Variants in GPR158 observed in about 807,000 individuals in gnomAD.
GPR158 encodes the protein metabotropic glycine receptor.
Under a neutral mutation model 78.2 loss-of-function variants are expected in GPR158, and 30 were observed. That is an observed-to-expected ratio of 0.38 (90% confidence interval 0.29 to 0.52). GPR158 has a LOEUF of 0.52. Among genes scored for constraint, GPR158 ranks in the 20% least tolerant of loss-of-function variants. The probability of loss-of-function intolerance (pLI) is 0.83; values close to 1 mark genes in which losing one functional copy is unlikely to be tolerated. For synonymous variants in GPR158, 581 were observed against 591.1 expected, an observed-to-expected ratio of 0.98 and a Z score of 0.25; for missense variants, 1,463 against 1,523.5, an observed-to-expected ratio of 0.96 and a Z score of 0.66.
chr10:25,472,430 G>T (rs1394628688), intron 5 of GPR158, among the ~76,000 whole-genome samples: 4 of 152,040 alleles, frequency 2.6e-5, no homozygotes, highest in South Asian at 4.1e-4. Context: ...AGCTTAGGAT[G>T]GACTTGGCAA....
At chr10:25,342,649 A>G (rs185052645) in intron 2 of GPR158, among the ~76,000 whole-genome samples, 1 of 152,088 alleles carries the variant, frequency 6.6e-6, no homozygotes, top group African/African-American at 2.4e-5. Context: ...GTTGTTTCAG[A>G]CAATTATTTT....
intron 2 of GPR158, among the ~76,000 whole-genome samples, chr10:25,290,440 C>T (rs900852245): frequency 2.0e-5 from 3 of 152,032 alleles, no homozygotes; most frequent in African/African-American, 4.8e-5. Context: ...CTACAGAATC[C>T]ATTGAAAAAG....
At chr10:25,580,424 A>ATGTT (rs1438714302) in intron 7 of GPR158, among the ~76,000 whole-genome samples, 3 of 152,234 alleles carry the variant, frequency 2.0e-5, no homozygotes, top group African/African-American at 7.2e-5. Flanking sequence ...TCATATGCCA[A>ATGTT]TGTTTAGAAA....
In GPR158 at chr10:25,599,289, A is replaced by G. The variant is rs1588931329; in HGVS notation, c.*15A>G. ...TTAAAGTGTAGCATCTCCAGGAAGAAGAGGAAAAGGAGGGAACCCCGGATT... is the reference window on the plus strand; with the variant it reads ...TTAAAGTGTAGCATCTCCAGGAAGAGGAGGAAAAGGAGGGAACCCCGGATT... On this transcript the variant is annotated 3_prime_UTR_variant, in exon 11 of 11. Transcript: ENST00000376351. 2 of 1,579,100 alleles carry G rather than the reference A, an allele frequency of 1.3e-6. No homozygotes were observed. The highest frequency in any genetic ancestry group is 1.7e-6 in the Non-Finnish European group (2 of 1,158,682).
chr10:25,263,859 C>T (rs1854002971), intron 2 of GPR158, among the ~76,000 whole-genome samples: 1 of 152,150 alleles, frequency 6.6e-6, no homozygotes, highest in South Asian at 2.1e-4. Flanking sequence ...ATTGCTTGAA[C>T]CCAGGAGATA....
intron 4 of GPR158, among the ~76,000 whole-genome samples, chr10:25,418,650 A>G (rs1254082033): frequency 2.0e-5 from 3 of 149,520 alleles, no homozygotes; most frequent in African/African-American, 2.5e-5. Context: ...AAGAGAGAGT[A>G]TGGTTCCTTA....
chr10:25,227,591 G>C (rs117765173), intron 2 of GPR158, among the ~76,000 whole-genome samples: 18 of 151,972 alleles, frequency 1.2e-4, no homozygotes, highest in Non-Finnish European at 2.4e-4. Context: ...TTATTATTAT[G>C]GTTAATAAGG....
rs112816485 is a variant in GPR158 at position 25,554,696 on chromosome 10, A to C, written c.1514+3611A>C. On this transcript the variant is annotated intron_variant, in intron 6 of 10. Transcript: ENST00000376351. Reference sequence around the variant, plus strand: ...AGACTACTATAATAATCTGAAGGAAAATTATAAAAGGGTCCCTTGTTTATT... The same window carrying C: ...AGACTACTATAATAATCTGAAGGAACATTATAAAAGGGTCCCTTGTTTATT... Among the ~76,000 whole-genome samples the C allele has an allele frequency of 1.6e-3, 240 of 152,260 alleles. 1 individual carries two copies. The highest frequency in any genetic ancestry group is 5.1e-3 in the African/African-American group (211 of 41,554).
intron 2 of GPR158, among the ~76,000 whole-genome samples, chr10:25,330,479 C>G (rs1855102907): frequency 6.6e-6 from 1 of 152,066 alleles, no homozygotes; most frequent in Admixed American, 6.6e-5. Flanking sequence ...TAATAGACAC[C>G]AAAATCAAAG....
intron 1 of GPR158, among the ~76,000 whole-genome samples, chr10:25,177,843 T>C (rs1235219397): frequency 2.6e-5 from 4 of 152,350 alleles, no homozygotes; most frequent in Non-Finnish European, 4.4e-5. Flanking sequence ...CTTTTAAAGG[T>C]CTTGTCTTAA....
At chr10:25,499,394 C>A (rs1193431712) in intron 5 of GPR158, among the ~76,000 whole-genome samples, 1 of 152,118 alleles carries the variant, frequency 6.6e-6, no homozygotes, top group Non-Finnish European at 1.5e-5. Context: ...TGCTGGGATG[C>A]CTTGGTACCA....
At chr10:25,216,666 A>G (rs1189081847) in intron 1 of GPR158, among the ~76,000 whole-genome samples, 1 of 152,216 alleles carries the variant, frequency 6.6e-6, no homozygotes, top group African/African-American at 2.4e-5. Context: ...ATTGATATGA[A>G]GAAGGTAAGC....
At chr10:25,265,094 C>T (rs1854025969) in intron 2 of GPR158, among the ~76,000 whole-genome samples, 1 of 152,076 alleles carries the variant, frequency 6.6e-6, no homozygotes. Context: ...GTGAGAAGAA[C>T]AAAATGGCTT....
chr10:25,329,127 G>A (rs1185402047), intron 2 of GPR158, among the ~76,000 whole-genome samples: 1 of 151,840 alleles, frequency 6.6e-6, no homozygotes, highest in African/African-American at 2.4e-5. Context: ...CTCTGTTGTA[G>A]ATAATATGCA....
In GPR158 at chr10:25,175,781, T is replaced by A; in HGVS notation, c.361T>A (p.Ser121Thr). 1 of 1,611,358 alleles carries A rather than the reference T, an allele frequency of 6.2e-7. No individual in the cohort carries two copies. The part of the protein sequence containing the change: ...KWPALASAHP[S>T]LHRALDTLTH... ...GCCAGCCCTGGCCAGCGCGCACCCC[T>A]CCTTGCACCGGGCGCTGGACACACT... Residue 121 changes from serine to threonine, a missense_variant, in exon 1 of 11, where the codon TCC becomes ACC. Transcript: ENST00000376351. This position sits in a 1 kb window ranked among gnomAD's most constrained non-coding sequence, Gnocchi z 6.4.
chr10:25,496,801 TAC>T (rs1372363477), intron 5 of GPR158, among the ~76,000 whole-genome samples: 1 of 152,200 alleles, frequency 6.6e-6, no homozygotes, highest in Non-Finnish European at 1.5e-5. Flanking sequence ...ATCATGAGCT[TAC>T]AGTCTACGGG....
At chr10:25,242,319 G>T (rs928252981) in intron 2 of GPR158, among the ~76,000 whole-genome samples, 1 of 152,148 alleles carries the variant, frequency 6.6e-6, no homozygotes, top group African/African-American at 2.4e-5. Flanking sequence ...GTAAAAGCTG[G>T]TTATTAATTT....
chr10:25,483,053 G>T (rs755162843), intron 5 of GPR158, among the ~76,000 whole-genome samples: 2 of 151,754 alleles, frequency 1.3e-5, no homozygotes, highest in African/African-American at 4.8e-5. Context: ...CCACCATTGA[G>T]TATTAGGTTA....
Position 25,598,746 on chromosome 10 carries a change from C to T in GPR158, c.3120C>T (p.Pro1040=), listed in dbSNP as rs1168915176. The T allele has an allele frequency of 1.2e-6, 2 of 1,613,926 alleles. No homozygotes were observed. The highest frequency in any genetic ancestry group is 2.7e-5 in the African/African-American group (2 of 74,892). The part of the protein sequence containing the change: ...SIVASEMEKN[P]TFSLKEKSHH... ...TGGCTTCTGAAATGGAGAAAAACCC[C>T]ACTTTTTCCTTAAAGGAGAAATCTC... The change falls in exon 11 of 11, where the codon CCC becomes CCT. Residue 1040 remains proline, a synonymous_variant. Coordinates refer to ENST00000376351, the MANE Select transcript of GPR158 (RefSeq NM_020752.3).
Sources: gnomAD v4.1 joint callset for allele counts (sites outside exome capture counted in the v4.1 genomes callset) on GRCh38, gnomAD v4.1.1 for gene constraint, Gnocchi (gnomAD v3.1) non-coding constraint, MANE v1.5 for transcripts, NCBI Gene and HGNC (gene_info 2026-07-23, HGNC 2026-07-21) for gene names.